Variants in OLFML2B observed in about 807,000 individuals in gnomAD.
OLFML2B encodes olfactomedin-like protein 2B.
A neutral mutation model predicts 74.9 loss-of-function variants in OLFML2B; 57 were observed. That is an observed-to-expected ratio of 0.76 (90% confidence interval 0.61 to 0.95). OLFML2B has a LOEUF of 0.95. Among genes scored for constraint, OLFML2B ranks in the 40% least tolerant of loss-of-function variants. The probability of loss-of-function intolerance (pLI) is 0.00; values close to 1 mark genes in which losing one functional copy is unlikely to be tolerated. For missense variants in OLFML2B, 986 were observed against 970.6 expected (o/e 1.02, Z -0.21); for synonymous variants, 388 against 405.8 (o/e 0.96, Z 0.53).
chr1:162,018,072 G>A (rs932080726), intron 2 of OLFML2B, among the ~76,000 whole-genome samples: 6 of 152,144 alleles, frequency 3.9e-5, no homozygotes, highest in African/African-American at 1.4e-4. Context: ...ATAGGTGGGA[G>A]CTAAACAATG....
rs150601301 is a variant in OLFML2B at position 162,001,756 on chromosome 1, A to G, written c.724-1418T>C. On this transcript the variant is annotated intron_variant, in intron 4 of 7. Transcript: ENST00000294794. ...CTGTAGACTATGGGAATCTGAAAGA[A>G]GAGAGACCATTTCTTGTTCATCTTT... Among the ~76,000 whole-genome samples the G allele has an allele frequency of 7.0e-3, 1,067 of 152,348 alleles. 14 individuals carry two copies. Among genetic ancestry groups the G allele is most frequent in the South Asian group, 0.034 (165 of 4,830 alleles).
intron 5 of OLFML2B, 152 bp from the exon 6 acceptor site, chr1:161,998,501 A>C (rs1006932912): frequency 8.8e-6 from 7 of 797,472 alleles, no homozygotes; most frequent in Admixed American, 8.7e-5. Context: ...ATTTTGGAAG[A>C]AGGTGTACAG....
chr1:161,984,366 G>A, intron 7 of OLFML2B, 90 bp from the exon 8 acceptor site: 3 of 1,482,574 alleles, frequency 2.0e-6, no homozygotes, highest in Non-Finnish European at 2.7e-6. Flanking sequence ...TCAACGAGGG[G>A]TCTGGAAACC....
intron 6 of OLFML2B, among the ~76,000 whole-genome samples, chr1:161,987,521 G>C (rs1030526815): frequency 6.6e-6 from 1 of 152,172 alleles, no homozygotes; most frequent in Non-Finnish European, 1.5e-5. Flanking sequence ...GCCAAAGAAT[G>C]CTGGCAGCCA....
chr1:161,997,170 A>C (rs972879820), intron 6 of OLFML2B, among the ~76,000 whole-genome samples: 2 of 152,220 alleles, frequency 1.3e-5, no homozygotes, highest in Non-Finnish European at 2.9e-5. Flanking sequence ...AAAGAAAAAA[A>C]AAGAAAACTC....
chr1:162,019,818 C>T, intron 2 of OLFML2B, 101 bp downstream of exon 2: 1 of 1,432,436 alleles, frequency 7.0e-7, no homozygotes, highest in Non-Finnish European at 9.4e-7. Context: ...ACAGGCCTGA[C>T]CTTCTTCAAA....
intron 3 of OLFML2B, among the ~76,000 whole-genome samples, chr1:162,011,989 A>T (rs912154687): frequency 5.9e-5 from 9 of 152,162 alleles, no homozygotes; most frequent in African/African-American, 2.2e-4. Context: ...ACCCTGGGAG[A>T]GGTAATATAT....
chr1:162,002,544 G>A (rs957085021), intron 4 of OLFML2B, among the ~76,000 whole-genome samples: 1 of 152,204 alleles, frequency 6.6e-6, no homozygotes, highest in Non-Finnish European at 1.5e-5. Context: ...CTCTTGCTTT[G>A]ATCTTTACAA....
chr1:161,984,415 G>A, intron 7 of OLFML2B, 139 bp from the exon 8 acceptor site: 7 of 1,130,466 alleles, frequency 6.2e-6, no homozygotes, highest in East Asian at 5.1e-5. Context: ...CTAGCATCCT[G>A]TAGCACATCA....
At chr1:161,988,813 C>T (rs149633805) in intron 6 of OLFML2B, among the ~76,000 whole-genome samples, 4 of 152,254 alleles carry the variant, frequency 2.6e-5, no homozygotes, top group African/African-American at 9.6e-5. Context: ...ATCCAACTAC[C>T]TACAAGGCAC....
intron 3 of OLFML2B, among the ~76,000 whole-genome samples, chr1:162,016,364 C>T (rs531065584): frequency 6.6e-6 from 1 of 152,342 alleles, no homozygotes; most frequent in East Asian, 1.9e-4. Context: ...TCTGTCCTGA[C>T]TCCAAGCCTG....
rs575202224 is a variant in OLFML2B, at chr1:162,011,563, G to A, written c.547-5090C>T. On this transcript the variant is annotated intron_variant, in intron 3 of 7. Transcript: ENST00000294794. ...AGGCAGGCCATGGCCTAATCCCTCC[G>A]ACCACAGCTGATGGGAGAGACAGGC... is the stretch of plus-strand genomic sequence containing the variant. 3.3e-5 allele frequency among the ~76,000 whole-genome samples: 5 copies of A among 152,280 alleles called. No homozygotes were observed. The East Asian group carries it at 5.8e-4, about 18-fold the overall frequency.
intron 6 of OLFML2B, among the ~76,000 whole-genome samples, chr1:161,987,376 G>T (rs973192469): frequency 1.3e-5 from 2 of 152,198 alleles, no homozygotes; most frequent in African/African-American, 4.8e-5. Flanking sequence ...GACTATACTG[G>T]ACTATCTGGG....
At chr1:161,986,800 T>A (rs766962941) in intron 6 of OLFML2B, among the ~76,000 whole-genome samples, 1 of 152,224 alleles carries the variant, frequency 6.6e-6, no homozygotes, top group Non-Finnish European at 1.5e-5. Context: ...TCCTCTGCCC[T>A]GGCAAAGCTC....
rs57257974 is a variant in OLFML2B, at chr1:162,005,969, C to T, written c.723+328G>A. ...AGGAGTAAACCAGGATGGTCCCAGA[C>T]AAGCCAGCATGCATATCTTCCCTAT... On this transcript the variant is annotated intron_variant, in intron 4 of 7. Coordinates refer to ENST00000294794, the MANE Select transcript of OLFML2B (RefSeq NM_015441.3). 5.3e-3 allele frequency among the ~76,000 whole-genome samples: 786 copies of T among 146,946 alleles called. 10 individuals are homozygous for T. Among genetic ancestry groups the T allele is most frequent in the South Asian group, 0.022 (101 of 4,554 alleles).
At chr1:162,011,981 C>A (rs1246218206) in intron 3 of OLFML2B, among the ~76,000 whole-genome samples, 2 of 152,094 alleles carry the variant, frequency 1.3e-5, no homozygotes, top group Non-Finnish European at 2.9e-5. Flanking sequence ...TATATACAAC[C>A]CTGGGAGAGG....
intron 3 of OLFML2B, among the ~76,000 whole-genome samples, chr1:162,013,907 C>T (rs1415978326): frequency 2.0e-5 from 3 of 146,734 alleles, no homozygotes; most frequent in Admixed American, 2.0e-4. Context: ...CACACACACA[C>T]ACACACACAC....
rs863224948 is a variant in OLFML2B at position 161,997,993 on chromosome 1, C to T, written c.1306G>A (p.Ala436Thr). 6.2e-7 allele frequency: 1 copy of T among 1,614,162 alleles called. No individual in the cohort carries two copies. ...ATCAATGCCTCCCTGGGAGACACTG[C>T]CGGAGGAGCTGGGGCTGCTGGTTGC... is the stretch of plus-strand genomic sequence containing the variant. The part of the protein sequence containing the change: ...TQQPAAPAPP[A>T]VSPREALMEA... Residue 436 changes from alanine to threonine, a missense_variant, in exon 6 of 8, where the codon GCA (alanine) becomes ACA (threonine). Ala to Thr is a moderately conservative substitution (Grantham distance 58, BLOSUM62 0). Transcript: ENST00000294794.
chr1:161,991,748 C>A (rs1259017517), intron 6 of OLFML2B, among the ~76,000 whole-genome samples: 6 of 152,146 alleles, frequency 3.9e-5, no homozygotes, highest in Admixed American at 1.3e-4. Context: ...ATAATAATTT[C>A]TTTTTCTGAG....
Sources: gnomAD v4.1 joint callset for allele counts (sites outside exome capture counted in the v4.1 genomes callset) on GRCh38, gnomAD v4.1.1 for gene constraint, MANE v1.5 for transcripts, NCBI Gene and HGNC (gene_info 2026-07-23, HGNC 2026-07-21) for gene names.